The following PCDHGA5 variants were observed in gnomAD, a reference collection of about 807,000 sequenced individuals.
The protein encoded by PCDHGA5 is protocadherin gamma subfamily A, 5, also known as protocadherin gamma-A5.
Under a neutral mutation model 56.7 loss-of-function variants are expected in PCDHGA5, and 36 were observed. The observed-to-expected ratio is 0.64, with a 90% CI of 0.49 to 0.84. PCDHGA5 has a LOEUF of 0.84. Ranked by LOEUF, PCDHGA5 falls within the 40% of genes least tolerant of loss-of-function variation. The pLI, the probability that PCDHGA5 is intolerant of heterozygous loss-of-function variation, is 0.00. For synonymous variants in PCDHGA5, 563 were observed against 520.2 expected, an observed-to-expected ratio of 1.08 and a Z score of -1.12; for missense variants, 1,305 against 1,201.5, an observed-to-expected ratio of 1.09 and a Z score of -1.27.
At position 141,365,106 on chromosome 5, in the gene PCDHGA5, C is replaced by G; in HGVS notation, c.776C>G (p.Thr259Ser). ...VSVPENIPVGTRLLMLTATDP... is the reference protein window; with the variant it reads ...VSVPENIPVGSRLLMLTATDP... ...GTTCCAGAGAACATACCTGTGGGCACTCGGCTGCTCATGCTAACCGCCACG... is the reference window on the plus strand; with the variant it reads ...GTTCCAGAGAACATACCTGTGGGCAGTCGGCTGCTCATGCTAACCGCCACG... Residue 259 changes from threonine (T) to serine (S), a missense_variant, in exon 1 of 4, where the codon ACT becomes AGT. Thr to Ser is a moderately conservative substitution (Grantham distance 58). Transcript: ENST00000518069. 1.2e-6 allele frequency: 2 copies of G among 1,613,862 alleles called. No homozygotes were observed. The highest frequency in any genetic ancestry group is 1.7e-6 in the Non-Finnish European group (2 of 1,179,876).
At chr5:141,508,604 A>G (rs2099870124) in intron 3 of PCDHGA5, among the ~76,000 whole-genome samples, 1 of 152,150 alleles carries the variant, frequency 6.6e-6, no homozygotes, top group African/African-American at 2.4e-5. Flanking sequence ...TCTTGGGTGC[A>G]CATAGGACGT....
Position 141,477,858 on chromosome 5 carries a change from C to T in PCDHGA5, c.2422-16949C>T. 2 of 1,613,572 alleles carry T rather than the reference C, an allele frequency of 1.2e-6. No individual in the cohort carries two copies. Among genetic ancestry groups the T allele is most frequent in the Non-Finnish European group, 1.7e-6 (2 of 1,179,842 alleles). ...GGTGGGAGCTCGGTGGAGATGCTGC[C>T]TCGAGGTACCTCAGCTGGCCACCTA... On this transcript the variant is annotated intron_variant, in intron 1 of 3. Transcript: ENST00000518069. This position sits in a 1 kb window ranked among gnomAD's most constrained non-coding sequence, Gnocchi z 4.9.
At chr5:141,459,670 T>A (rs890411975) in intron 1 of PCDHGA5, among the ~76,000 whole-genome samples, 4 of 152,264 alleles carry the variant, frequency 2.6e-5, no homozygotes, top group African/African-American at 9.6e-5. Context: ...TACATTTTCA[T>A]GAGCAATGCA....
chr5:141,369,621 C>T (rs1255765224), intron 1 of PCDHGA5, among the ~76,000 whole-genome samples: 2 of 152,294 alleles, frequency 1.3e-5, no homozygotes, highest in East Asian at 1.9e-4. Flanking sequence ...ATCATTTCCT[C>T]ATTACCTTTA....
In PCDHGA5 at chr5:141,486,017, A is replaced by G. The variant is rs746747518; in HGVS notation, c.2422-8790A>G. On this transcript the variant is annotated intron_variant, in intron 1 of 3. Transcript: ENST00000518069. The surrounding 1 kb of genome is among the most constrained non-coding windows in gnomAD (Gnocchi z 5.0). ...CAGTGGTAACGTCACCTTTTATTTC[A>G]GTGGTCATACCCCTGATCGTGTAAG... The G allele has an allele frequency of 6.2e-7, 1 of 1,614,176 alleles. No homozygotes were observed. The highest frequency in any genetic ancestry group is 1.7e-5 in the Admixed American group (1 of 60,026).
rs2099648980 is a variant in PCDHGA5 at position 141,487,537 on chromosome 5, G to A, written c.2422-7270G>A. ...CTCGGAGTGATAGCTTCATGATGGT[G>A]AAGTCACCCAGTGCACCTATGGCAG... On this transcript the variant is annotated intron_variant, in intron 1 of 3. Transcript: ENST00000518069. The surrounding 1 kb of genome is among the most constrained non-coding windows in gnomAD (Gnocchi z 5.0). The A allele has an allele frequency of 1.2e-6, 2 of 1,614,188 alleles. No individual in the cohort carries two copies. Among genetic ancestry groups the A allele is most frequent in the Admixed American group, 1.7e-5 (1 of 60,028 alleles).
At chr5:141,428,532 C>T (rs1561836699) in intron 1 of PCDHGA5, 7 of 277,518 alleles carry the variant, frequency 2.5e-5, no homozygotes, top group Non-Finnish European at 5.0e-5. Context: ...TTAATTTTCT[C>T]ACCATGACAC....
intron 1 of PCDHGA5, chr5:141,371,206 A>T: frequency 6.2e-7 from 1 of 1,614,018 alleles, no homozygotes. Context: ...GACATGGATG[A>T]GGGCATCAAT....
intron 1 of PCDHGA5, among the ~76,000 whole-genome samples, chr5:141,453,217 G>A (rs770914741): frequency 1.2e-4 from 19 of 152,100 alleles, no homozygotes; most frequent in Admixed American, 1.0e-3. Context: ...GCACTTAAGC[G>A]ATCCTCCCAC....
At chr5:141,501,036 T>C (rs893597004) in intron 2 of PCDHGA5, among the ~76,000 whole-genome samples, 4 of 151,702 alleles carry the variant, frequency 2.6e-5, no homozygotes, top group Non-Finnish European at 4.4e-5. Flanking sequence ...GCCCAGCTAA[T>C]TTTTGTATTT....
In PCDHGA5 at chr5:141,477,696, A is replaced by T. The variant is rs778604051; in HGVS notation, c.2422-17111A>T. The T allele has an allele frequency of 2.1e-5, 34 of 1,614,054 alleles. No individual in the cohort carries two copies. Among genetic ancestry groups the T allele is most frequent in the Non-Finnish European group, 2.9e-5 (34 of 1,180,044 alleles). On this transcript the variant is annotated intron_variant, in intron 1 of 3. Transcript: ENST00000518069. This position sits in a 1 kb window ranked among gnomAD's most constrained non-coding sequence, Gnocchi z 4.9. ...GTGTCATCCTTAGTGCCCCTAGACT[A>T]TGAGGATCGGCGGGAATTTGAATTA...
Position 141,485,818 on chromosome 5 carries a change from C to A in PCDHGA5, c.2422-8989C>A, listed in dbSNP as rs757848513. The A allele has an allele frequency of 1.2e-6, 2 of 1,613,910 alleles. No individual in the cohort carries two copies. The highest frequency in any genetic ancestry group is 1.7e-6 in the Non-Finnish European group (2 of 1,179,974). On this transcript the variant is annotated intron_variant, in intron 1 of 3. Transcript: ENST00000518069. The surrounding 1 kb of genome is among the most constrained non-coding windows in gnomAD (Gnocchi z 5.7). ...ACTACCGCCTGGTGCTGACTGCTGT[C>A]GATGGAGGGAACCCGCCGAGATCTG...
At chr5:141,422,791 G>T (rs2096673253) in intron 1 of PCDHGA5, 2 of 1,614,020 alleles carry the variant, frequency 1.2e-6, no homozygotes, top group South Asian at 1.1e-5. Context: ...ACAATCCTTC[G>T]ACTATGAGCA....
At position 141,388,660 on chromosome 5, in the gene PCDHGA5, C is replaced by A. The variant is rs762083225; in HGVS notation, c.2421+21909C>A. 5.0e-6 allele frequency: 8 copies of A among 1,613,714 alleles called. No individual in the cohort carries two copies. The South Asian group carries it at 8.8e-5, about 18-fold the overall frequency. On this transcript the variant is annotated intron_variant, in intron 1 of 3. Transcript: ENST00000518069. Reference sequence around the variant, plus strand: ...CTTTCAGAAAACGTGTACCCGGGGACCACGGTGCTACAGGTGACTGCCACG... The same window carrying A: ...CTTTCAGAAAACGTGTACCCGGGGAACACGGTGCTACAGGTGACTGCCACG...
intron 1 of PCDHGA5, chr5:141,416,492 A>G (rs183273356): frequency 1.4e-4 from 22 of 152,306 alleles, no homozygotes; most frequent in Admixed American, 1.4e-3. Flanking sequence ...AACAGGAGCA[A>G]GAGATATATG....
At chr5:141,459,149 T>C (rs2098961903) in intron 1 of PCDHGA5, among the ~76,000 whole-genome samples, 1 of 152,234 alleles carries the variant, frequency 6.6e-6, no homozygotes, top group Non-Finnish European at 1.5e-5. Context: ...AATCAAAATA[T>C]AGAACATTTC....
intron 1 of PCDHGA5, among the ~76,000 whole-genome samples, chr5:141,451,985 A>G (rs1460304088): frequency 6.6e-6 from 1 of 152,202 alleles, no homozygotes; most frequent in Non-Finnish European, 1.5e-5. Context: ...TAGTTTGTTC[A>G]TTAGAAGCAA....
intron 1 of PCDHGA5, chr5:141,393,689 C>G (rs2150535299): frequency 6.2e-7 from 1 of 1,613,890 alleles, no homozygotes; most frequent in Middle Eastern, 1.7e-4. Context: ...CTCCGTTATT[C>G]CAGCTTAATG....
At chr5:141,410,668 T>C in intron 1 of PCDHGA5, 2 of 1,565,640 alleles carry the variant, frequency 1.3e-6, no homozygotes, top group African/African-American at 2.7e-5. Context: ...TCTACTAGTT[T>C]CTCATATTTT....
Sources: gnomAD v4.1 joint callset for allele counts (sites outside exome capture counted in the v4.1 genomes callset) on GRCh38, gnomAD v4.1.1 for gene constraint, Gnocchi (gnomAD v3.1) non-coding constraint, MANE v1.5 for transcripts, NCBI Gene and HGNC (gene_info 2026-07-23, HGNC 2026-07-21) for gene names.